The following MKKS variants were observed in gnomAD, a reference collection of about 807,000 sequenced individuals.
The protein encoded by MKKS is MKKS centrosomal shuttling protein.
MKKS carries 29 observed loss-of-function variants against 33.2 expected under a neutral mutation model. That is an observed-to-expected ratio of 0.87 (90% CI 0.65 to 1.19). MKKS has a LOEUF of 1.19. Ranked by LOEUF, MKKS falls within the 50% of genes most tolerant of loss-of-function variation. The pLI, the probability that MKKS is intolerant of heterozygous loss-of-function variation, is 0.00. For synonymous variants in MKKS, 260 were observed against 244.0 expected (o/e 1.07, Z -0.61); for missense variants, 661 against 662.3 (o/e 1.00, Z 0.02).
chr20:10,421,899 T>A (rs2064983068), intron 1 of MKKS, among the ~76,000 whole-genome samples: 1 of 152,172 alleles, frequency 6.6e-6, no homozygotes, highest in East Asian at 1.9e-4. Flanking sequence ...CTCCTTATAC[T>A]CTTAATAAGG....
At chr20:10,423,606 T>A (rs1044692505) in intron 1 of MKKS, among the ~76,000 whole-genome samples, 1 of 152,210 alleles carries the variant, frequency 6.6e-6, no homozygotes, top group African/African-American at 2.4e-5. Flanking sequence ...TGACATAGTA[T>A]GAACCCTCTT....
chr20:10,419,169 C>A (rs2064961940), intron 2 of MKKS, among the ~76,000 whole-genome samples: 2 of 152,046 alleles, frequency 1.3e-5, no homozygotes, highest in Non-Finnish European at 2.9e-5. Flanking sequence ...AAGAGCAGAA[C>A]CTTACACTCA....
chr20:10,427,029 G>GACACACACACACACACACAC lies in MKKS; in HGVS notation c.-648-6291_-648-6272dup, dbSNP rs377703248. On this transcript the variant is annotated intron_variant, in intron 1 of 5. Coordinates refer to ENST00000347364, the MANE Select transcript of MKKS (RefSeq NM_170784.3). ...TTAAAGGCCAAGAAAAGAAAACACT[G>GACACACACACACACACACAC]ACACACACACACACACACACACACA... 3.1e-3 allele frequency among the ~76,000 whole-genome samples: 404 copies of GACACACACACACACACACAC among 130,762 alleles called. 4 individuals are homozygous for GACACACACACACACACACAC. The highest frequency in any genetic ancestry group is 4.7e-3 in the Non-Finnish European group (299 of 63,710). 85.8% of individuals were successfully genotyped at this position (130,762 alleles called of 152,430 possible).
chr20:10,427,468 TGAA>T (rs1405031340), intron 1 of MKKS, among the ~76,000 whole-genome samples: 1 of 152,250 alleles, frequency 6.6e-6, no homozygotes, highest in African/African-American at 2.4e-5. Context: ...TGAAACTTTA[TGAA>T]GTTTACTGGA....
intron 1 of MKKS, among the ~76,000 whole-genome samples, chr20:10,432,649 C>T (rs2065061509): frequency 6.6e-6 from 1 of 152,044 alleles, no homozygotes; most frequent in Non-Finnish European, 1.5e-5. Context: ...CAAAAATTAG[C>T]CAGGTGCAGT....
intron 1 of MKKS, among the ~76,000 whole-genome samples, chr20:10,421,165 C>T (rs763625863): frequency 2.6e-5 from 4 of 152,070 alleles, no homozygotes; most frequent in Non-Finnish European, 4.4e-5. Context: ...GGTGGTGGCT[C>T]ACGCCTGTAT....
chr20:10,427,755 C>T (rs2065026093), intron 1 of MKKS, among the ~76,000 whole-genome samples: 2 of 152,278 alleles, frequency 1.3e-5, no homozygotes, highest in Middle Eastern at 6.8e-3. Context: ...ACTCATTTTG[C>T]TGGACTTCTC....
At chr20:10,427,551 A>T (rs1230286051) in intron 1 of MKKS, among the ~76,000 whole-genome samples, 1 of 152,182 alleles carries the variant, frequency 6.6e-6, no homozygotes, top group African/African-American at 2.4e-5. Flanking sequence ...TCATTTCTGA[A>T]TTCTCATCAT....
At chr20:10,430,318 A>G (rs915738815) in intron 1 of MKKS, among the ~76,000 whole-genome samples, 1 of 152,188 alleles carries the variant, frequency 6.6e-6, no homozygotes, top group Non-Finnish European at 1.5e-5. Context: ...GTGGCCTTGG[A>G]TTAGTCACTT....
intron 2 of MKKS, among the ~76,000 whole-genome samples, chr20:10,414,763 A>G (rs990760182): frequency 3.9e-5 from 6 of 152,186 alleles, no homozygotes; most frequent in African/African-American, 1.4e-4. Context: ...TCACTAATGT[A>G]TAGTCTATAT....
chr20:10,421,329 C>CAGG (rs950623760), intron 1 of MKKS, among the ~76,000 whole-genome samples: 1 of 149,350 alleles, frequency 6.7e-6, no homozygotes, highest in Non-Finnish European at 1.5e-5. Flanking sequence ...GAGGCTGAGT[C>CAGG]AGGAGACTTG....
At chr20:10,417,608 C>T (rs972634223) in intron 2 of MKKS, among the ~76,000 whole-genome samples, 1 of 151,880 alleles carries the variant, frequency 6.6e-6, no homozygotes, top group Non-Finnish European at 1.5e-5. Context: ...AGGCCTGTGC[C>T]CAAGAGTTTG....
chr20:10,424,482 C>T (rs2065001833), intron 1 of MKKS, among the ~76,000 whole-genome samples: 1 of 151,984 alleles, frequency 6.6e-6, no homozygotes, highest in Admixed American at 6.6e-5. Context: ...GAAAAATCTC[C>T]AGTACATTGG....
rs1358650486 is a variant in MKKS, at chr20:10,429,914, T to C, written c.-649+4194A>G. Among the ~76,000 whole-genome samples the C allele has an allele frequency of 2.0e-5, 3 of 152,332 alleles. No homozygotes were observed. The East Asian group carries it at 5.8e-4, about 29-fold the overall frequency. On this transcript the variant is annotated intron_variant, in intron 1 of 5. Coordinates refer to ENST00000347364, the MANE Select transcript of MKKS (RefSeq NM_170784.3). ...TCAGAAACTCTAGGGTGGGGTCCAG[T>C]AATCTGTGTTTTAATTAATTCTTTA... is the stretch of plus-strand genomic sequence containing the variant.
chr20:10,424,817 C>T (rs1359728761), intron 1 of MKKS, among the ~76,000 whole-genome samples: 2 of 151,618 alleles, frequency 1.3e-5, no homozygotes, highest in Admixed American at 1.3e-4. Flanking sequence ...TTTGGGAGGC[C>T]GAGGCAGGTG....
At chr20:10,409,089 T>A (rs1027868159) in intron 3 of MKKS, among the ~76,000 whole-genome samples, 9 of 152,166 alleles carry the variant, frequency 5.9e-5, no homozygotes, top group Admixed American at 1.3e-4. Flanking sequence ...GCACATACAA[T>A]TTTGCATACA....
intron 1 of MKKS, among the ~76,000 whole-genome samples, chr20:10,428,352 G>A (rs1242437125): frequency 6.6e-6 from 1 of 152,184 alleles, no homozygotes; most frequent in East Asian, 1.9e-4. Flanking sequence ...TAGTGCTACA[G>A]CAAACACTTT....
intron 1 of MKKS, among the ~76,000 whole-genome samples, chr20:10,422,771 G>C (rs2064990047): frequency 6.6e-6 from 1 of 151,194 alleles, no homozygotes; most frequent in Admixed American, 6.6e-5. Context: ...TAGTGCAGTG[G>C]TGCGATCTCA....
At position 10,413,937 on chromosome 20, in the gene MKKS, AAAT is replaced by A. The variant is rs1437617171; in HGVS notation, c.-417-9_-417-7del. 7.4e-6 allele frequency: 3 copies of A among 405,820 alleles called. No homozygotes were observed. The highest frequency in any genetic ancestry group is 1.3e-5 in the Non-Finnish European group (3 of 230,314). The allele number at this position is 405,820 out of a possible 1,614,324, so 25.1% of individuals were successfully genotyped here. On this transcript the variant is annotated splice_region_variant and splice_polypyrimidine_tract_variant and intron_variant, in intron 2 of 5. Transcript: ENST00000347364. ...ATTCAAAGCTGCTTCTTTACCTAAT[AAAT>A]AATAAAAAAAACATTTTAGAGAAAT...
Sources: allele counts gnomAD v4.1 joint callset (sites outside exome capture counted in the v4.1 genomes callset), GRCh38; gene constraint gnomAD v4.1.1; transcripts MANE v1.5; gene names NCBI Gene and HGNC (gene_info 2026-07-23, HGNC 2026-07-21).